Variants in NR3C2 observed in about 807,000 individuals in gnomAD.
The protein encoded by NR3C2 is mineralocorticoid receptor.
In NR3C2, 15 loss-of-function variants were observed where a neutral mutation model predicts 86.4. The ratio of observed to expected loss-of-function variants is 0.17; its 90% confidence interval spans 0.12 to 0.27. The LOEUF (loss-of-function observed/expected upper bound fraction) is 0.27, where lower values mean the gene tolerates loss of function less well. Ranked by LOEUF, NR3C2 falls within the 10% of genes least tolerant of loss-of-function variation. NR3C2 has a pLI of 1.00. For synonymous variants in NR3C2, 458 were observed against 450.5 expected, an observed-to-expected ratio of 1.02 and a Z score of -0.21; for missense variants, 960 against 1,195.6, an observed-to-expected ratio of 0.80 and a Z score of 2.91.
At chr4:148,213,033 G>C (rs1737356492) in intron 3 of NR3C2, among the ~76,000 whole-genome samples, 1 of 152,066 alleles carries the variant, frequency 6.6e-6, no homozygotes, top group Non-Finnish European at 1.5e-5. Context: ...GAGGACAGAA[G>C]ATAGTGATCA....
intron 2 of NR3C2, among the ~76,000 whole-genome samples, chr4:148,360,162 T>C (rs1048670614): frequency 6.6e-6 from 1 of 152,200 alleles, no homozygotes; most frequent in African/African-American, 2.4e-5. Flanking sequence ...AATAAATACA[T>C]TGCTCATCTG....
At chr4:148,198,903 A>G (rs1477434262) in intron 3 of NR3C2, among the ~76,000 whole-genome samples, 1 of 151,450 alleles carries the variant, frequency 6.6e-6, no homozygotes, top group Non-Finnish European at 1.5e-5. Flanking sequence ...ACACGGTGAC[A>G]CCCCATCTCT....
At chr4:148,172,185 T>C (rs1010241868) in intron 4 of NR3C2, among the ~76,000 whole-genome samples, 6 of 152,146 alleles carry the variant, frequency 3.9e-5, no homozygotes, top group Non-Finnish European at 5.9e-5. Context: ...AATTTTCTTT[T>C]ACCTTAAACC....
At chr4:148,112,013 A>C (rs1310120162) in intron 8 of NR3C2, among the ~76,000 whole-genome samples, 5 of 152,222 alleles carry the variant, frequency 3.3e-5, no homozygotes, top group African/African-American at 4.8e-5. Flanking sequence ...AAACCCCCAC[A>C]GACACTAATT....
chr4:148,300,400 T>C (rs949708147), intron 2 of NR3C2, among the ~76,000 whole-genome samples: 3 of 152,222 alleles, frequency 2.0e-5, no homozygotes, highest in Non-Finnish European at 2.9e-5. Flanking sequence ...TTGGCACAGC[T>C]AAAGTCAGGT....
At chr4:148,127,782 T>A (rs1732822056) in intron 6 of NR3C2, among the ~76,000 whole-genome samples, 1 of 152,226 alleles carries the variant, frequency 6.6e-6, no homozygotes, top group Non-Finnish European at 1.5e-5. Context: ...AAATATTTTT[T>A]AAAAAACACT....
intron 2 of NR3C2, among the ~76,000 whole-genome samples, chr4:148,267,286 AT>A (rs571694919): frequency 1.3e-3 from 181 of 139,034 alleles, no homozygotes; most frequent in Middle Eastern, 3.7e-3. Flanking sequence ...TTTTTTTTTA[AT>A]TTTTTTTTTT....
intron 2 of NR3C2, among the ~76,000 whole-genome samples, chr4:148,421,440 G>A (rs905219325): frequency 2.6e-5 from 4 of 152,054 alleles, no homozygotes; most frequent in Middle Eastern, 3.2e-3. Context: ...CTTCTCTTAG[G>A]CAAGGCCCAG....
chr4:148,325,135 TGA>T (rs969743404), intron 2 of NR3C2, among the ~76,000 whole-genome samples: 9 of 123,176 alleles, frequency 7.3e-5, no homozygotes, highest in East Asian at 2.1e-4. Flanking sequence ...GGAGAGAGAA[TGA>T]GAGAGAGAGA....
chr4:148,079,552 A>AGAT lies in NR3C2; in HGVS notation c.*1789_*1791dup, dbSNP rs894838479. On this transcript the variant is annotated 3_prime_UTR_variant, in exon 9 of 9. Transcript: ENST00000358102. ...CCTGATGATTATCATCATTTTTAAA[A>AGAT]GATTAATTTGGCCTCTATTCAAAGT... 3.3e-5 allele frequency: 5 copies of AGAT among 152,634 alleles called. No homozygotes were observed. Among genetic ancestry groups the AGAT allele is most frequent in the African/African-American group, 1.2e-4 (5 of 41,452 alleles). 9.5% of individuals were successfully genotyped at this position (152,634 alleles called of 1,614,324 possible). A position where few individuals can be genotyped will look rare whatever the true frequency, so the allele number is the denominator to read the frequency against.
chr4:148,400,778 CAAAAAAAAAAAAAAA>C (rs34623514), intron 2 of NR3C2, among the ~76,000 whole-genome samples: 1 of 84,424 alleles, frequency 1.2e-5, no homozygotes, highest in African/African-American at 4.5e-5. Flanking sequence ...GACTCCGTCT[CAAAAAAAAAAAAAAA>C]AAAAAAAAAA....
At chr4:148,443,774 A>G (rs1750468079), upstream of NR3C2, among the ~76,000 whole-genome samples, 1 of 151,810 alleles carries the variant, frequency 6.6e-6, no homozygotes, top group Non-Finnish European at 1.5e-5. Flanking sequence ...CGCGCCCGCC[A>G]AAGCCCGAGG....
In NR3C2 at chr4:148,126,749, T is replaced by C. The variant is rs1166612630; in HGVS notation, c.2511-6461A>G. On this transcript the variant is annotated intron_variant, in intron 6 of 8. Transcript: ENST00000358102. ...TTTTAACTCTTTGTGAGGTATTAAC[T>C]AAATAACCTCTACAGTCTCCATAGC... 2.6e-5 allele frequency among the ~76,000 whole-genome samples: 4 copies of C among 152,240 alleles called. No homozygotes were observed. In the East Asian group the frequency reaches 7.7e-4, roughly 29 times the overall value.
In NR3C2 at chr4:148,351,258, G is replaced by A. The variant is rs1032979176; in HGVS notation, c.1757+83846C>T. On this transcript the variant is annotated intron_variant, in intron 2 of 8. Transcript: ENST00000358102. Reference sequence around the variant, plus strand: ...TCTCCCAGGTTCAAGCAATTCTCCTGCCTCAGCCTCCCAAGTAGCTGGGAT... The same window carrying A: ...TCTCCCAGGTTCAAGCAATTCTCCTACCTCAGCCTCCCAAGTAGCTGGGAT... Among the ~76,000 whole-genome samples, 3 of 152,064 alleles carry A rather than the reference G, an allele frequency of 2.0e-5. No homozygotes were observed. The East Asian group carries it at 5.8e-4, about 29-fold the overall frequency.
chr4:148,078,983 A>AT lies in NR3C2; in HGVS notation c.*2360dup, dbSNP rs1026906079. Reference sequence around the variant, plus strand: ...ACAGACAATTTGGACTGGGACAGGCATTCAACAGTGAATTTAGAATATGGC... The same window carrying AT: ...ACAGACAATTTGGACTGGGACAGGCATTTCAACAGTGAATTTAGAATATGGC... On this transcript the variant is annotated 3_prime_UTR_variant, in exon 9 of 9. Coordinates refer to ENST00000358102, the MANE Select transcript of NR3C2 (RefSeq NM_000901.5). 9 of 152,686 alleles carry AT rather than the reference A, an allele frequency of 5.9e-5. No individual in the cohort carries two copies. Among genetic ancestry groups the AT allele is most frequent in the Admixed American group, 5.9e-4 (9 of 15,290 alleles). 9.5% of individuals were successfully genotyped at this position (152,686 alleles called of 1,614,324 possible). A position where few individuals can be genotyped will look rare whatever the true frequency, so the allele number is the denominator to read the frequency against.
chr4:148,158,228 A>G (rs1329233507), intron 4 of NR3C2, among the ~76,000 whole-genome samples: 1 of 152,234 alleles, frequency 6.6e-6, no homozygotes. Flanking sequence ...AAAAATACTC[A>G]GCAAAGTGCC....
chr4:148,139,404 C>T (rs1299477831), intron 6 of NR3C2, among the ~76,000 whole-genome samples: 1 of 148,110 alleles, frequency 6.8e-6, no homozygotes, highest in Non-Finnish European at 1.5e-5. Flanking sequence ...CGACACCTTC[C>T]ATAAGCTTCC....
intron 2 of NR3C2, among the ~76,000 whole-genome samples, chr4:148,291,319 G>A (rs1020323324): frequency 6.6e-6 from 1 of 151,768 alleles, no homozygotes. Flanking sequence ...GCTATATAAG[G>A]GAACAAATAT....
chr4:148,353,563 T>A (rs951889448), intron 2 of NR3C2, among the ~76,000 whole-genome samples: 4 of 152,216 alleles, frequency 2.6e-5, no homozygotes, highest in Non-Finnish European at 5.9e-5. Context: ...TTTTTCCTTT[T>A]AAAAATATGT....
Sources: allele counts gnomAD v4.1 joint callset (sites outside exome capture counted in the v4.1 genomes callset), GRCh38; gene constraint gnomAD v4.1.1; transcripts MANE v1.5; gene names NCBI Gene and HGNC (gene_info 2026-07-23, HGNC 2026-07-21).